Variants in TOX2 observed in about 807,000 individuals in gnomAD.
TOX2 encodes TOX high mobility group box family member 2.
Under a neutral mutation model 47.4 loss-of-function variants are expected in TOX2, and 15 were observed. That is an observed-to-expected ratio of 0.32 (90% CI 0.21 to 0.49). The LOEUF is 0.49. Ranked by LOEUF, TOX2 falls within the 20% of genes least tolerant of loss-of-function variation. The pLI is 0.99. For synonymous variants in TOX2, 290 were observed against 296.6 expected, an observed-to-expected ratio of 0.98 and a Z score of 0.23; for missense variants, 622 against 673.1, an observed-to-expected ratio of 0.92 and a Z score of 0.84.
At chr20:43,989,282 G>T (rs1293254673) in intron 2 of TOX2, among the ~76,000 whole-genome samples, 1 of 152,196 alleles carries the variant, frequency 6.6e-6, no homozygotes, top group African/African-American at 2.4e-5. Context: ...TTCATAAGCT[G>T]GTGGGGCACA....
At chr20:43,977,233 G>A (rs546971501) in intron 2 of TOX2, among the ~76,000 whole-genome samples, 4 of 152,284 alleles carry the variant, frequency 2.6e-5, no homozygotes, top group Admixed American at 2.6e-4. Context: ...CTCCCGAGTA[G>A]CTGGGATTAC....
chr20:43,922,305 C>T (rs2069120619), intron 1 of TOX2, among the ~76,000 whole-genome samples: 1 of 152,210 alleles, frequency 6.6e-6, no homozygotes, highest in Admixed American at 6.5e-5. Context: ...CTGGCCCCTA[C>T]CTAGTAGATG....
intron 7 of TOX2, 71 bp from the exon 8 acceptor site, chr20:44,066,659 C>A: frequency 6.2e-7 from 1 of 1,611,662 alleles, no homozygotes; most frequent in South Asian, 1.1e-5. Context: ...GGGCTCTCAC[C>A]CCGGGAGGCC....
chr20:44,030,520 C>A (rs887290248), intron 3 of TOX2, among the ~76,000 whole-genome samples: 4 of 152,238 alleles, frequency 2.6e-5, no homozygotes, highest in African/African-American at 9.6e-5. Flanking sequence ...TCCTCCTTCC[C>A]CAACCCTCCT....
chr20:43,916,731 TTTGC>T lies in TOX2; in HGVS notation c.99+1742_99+1745del, dbSNP rs1172309227. On this transcript the variant is annotated intron_variant, in intron 1 of 8. Transcript: ENST00000341197. The surrounding 1 kb of genome is among the most constrained non-coding windows in gnomAD (Gnocchi z 5.0). ...TGGCGAGGTAGGTACCAGCCTCTGG[TTTGC>T]GGGTGTGGGTGGGCTGGGCATTTGT... Among the ~76,000 whole-genome samples, 2 of 152,084 alleles carry T rather than the reference TTTGC, an allele frequency of 1.3e-5. No individual in the cohort carries two copies. The highest frequency in any genetic ancestry group is 4.8e-5 in the African/African-American group (2 of 41,406).
chr20:43,990,693 C>T (rs770349687), intron 2 of TOX2, among the ~76,000 whole-genome samples: 5 of 151,998 alleles, frequency 3.3e-5, no homozygotes, highest in Admixed American at 6.6e-5. Context: ...AAGCAGAGGC[C>T]GGGACCCTGT....
chr20:43,928,981 G>GAAAAAAAAAAAAAA (rs575418660), intron 1 of TOX2, among the ~76,000 whole-genome samples: 52 of 86,082 alleles, frequency 6.0e-4, no homozygotes, highest in East Asian at 3.5e-3. Context: ...CTAAAAATAT[G>GAAAAAAAAAAAAAA]AAAAAAAAAA....
chr20:43,997,624 T>C (rs1448742978), intron 2 of TOX2, among the ~76,000 whole-genome samples: 1 of 152,226 alleles, frequency 6.6e-6, no homozygotes, highest in Non-Finnish European at 1.5e-5. Flanking sequence ...GTATTTCTTA[T>C]CTAAAATTTG....
At chr20:43,993,893 G>A (rs189234818) in intron 2 of TOX2, among the ~76,000 whole-genome samples, 5 of 152,184 alleles carry the variant, frequency 3.3e-5, no homozygotes, top group African/African-American at 9.7e-5. Flanking sequence ...TAGCTCACGC[G>A]TGTAATCCCA....
At chr20:44,061,527 A>T (rs2071718650) in intron 5 of TOX2, among the ~76,000 whole-genome samples, 1 of 152,138 alleles carries the variant, frequency 6.6e-6, no homozygotes, top group Non-Finnish European at 1.5e-5. Flanking sequence ...AATGGGGAAA[A>T]ATTGAAAGCA....
chr20:44,001,514 T>A (rs2070582317), intron 2 of TOX2, among the ~76,000 whole-genome samples: 1 of 152,262 alleles, frequency 6.6e-6, no homozygotes, highest in Admixed American at 6.5e-5. Context: ...ATTGCCTCTT[T>A]AAGTGAATTG....
At chr20:43,930,274 G>C (rs933860172) in intron 1 of TOX2, among the ~76,000 whole-genome samples, 4 of 151,986 alleles carry the variant, frequency 2.6e-5, no homozygotes, top group Non-Finnish European at 4.4e-5. Context: ...ACCCTCTCTG[G>C]GCCTCACTTA....
intron 3 of TOX2, among the ~76,000 whole-genome samples, chr20:44,046,601 G>A (rs987124012): frequency 5.3e-5 from 8 of 152,226 alleles, no homozygotes; most frequent in Non-Finnish European, 8.8e-5. Context: ...ATACAAGGGT[G>A]TATTGCTCAG....
At chr20:44,067,742 C>G (rs779339675) in intron 8 of TOX2, among the ~76,000 whole-genome samples, 2 of 152,134 alleles carry the variant, frequency 1.3e-5, no homozygotes, top group African/African-American at 4.8e-5. Flanking sequence ...TTTCAACAAC[C>G]GCAGCCAGCA....
intron 1 of TOX2, among the ~76,000 whole-genome samples, chr20:43,932,779 C>CT (rs1555830039): frequency 7.9e-5 from 11 of 139,462 alleles, no homozygotes; most frequent in Admixed American, 7.6e-4. Context: ...TTGCTGCCCC[C>CT]CCCCGCCATT....
intron 3 of TOX2, among the ~76,000 whole-genome samples, chr20:44,038,090 T>C (rs577104883): frequency 6.6e-6 from 1 of 152,306 alleles, no homozygotes; most frequent in East Asian, 1.9e-4. Context: ...TAATTTCTGA[T>C]TGTGCTCAGA....
intron 3 of TOX2, among the ~76,000 whole-genome samples, chr20:44,027,952 G>C (rs1048186221): frequency 6.6e-6 from 1 of 152,164 alleles, no homozygotes; most frequent in Non-Finnish European, 1.5e-5. Context: ...TCCTCAACAT[G>C]TGCTGAGTGC....
intron 1 of TOX2, among the ~76,000 whole-genome samples, chr20:43,944,904 C>T (rs1280807764): frequency 1.3e-5 from 2 of 152,234 alleles, no homozygotes; most frequent in African/African-American, 4.8e-5. Context: ...GAACCCAGCT[C>T]TGTCTTATTT....
intron 5 of TOX2, among the ~76,000 whole-genome samples, chr20:44,060,317 A>C (rs1474329893): frequency 6.6e-6 from 1 of 152,212 alleles, no homozygotes; most frequent in Non-Finnish European, 1.5e-5. Flanking sequence ...GGGAAACTTC[A>C]ATACTCCACT....
Sources: gnomAD v4.1 joint callset for allele counts (sites outside exome capture counted in the v4.1 genomes callset) on GRCh38, gnomAD v4.1.1 for gene constraint, Gnocchi (gnomAD v3.1) non-coding constraint, MANE v1.5 for transcripts, NCBI Gene and HGNC (gene_info 2026-07-23, HGNC 2026-07-21) for gene names.